Variants in ZNF609 observed in about 807,000 individuals in gnomAD.
The protein encoded by ZNF609 is zinc finger protein 609.
Under a neutral mutation model 109.5 loss-of-function variants are expected in ZNF609, and 11 were observed. The ratio of observed to expected loss-of-function variants is 0.10; its 90% CI spans 0.06 to 0.17. The LOEUF (loss-of-function observed/expected upper bound fraction) is 0.17, where lower values mean the gene tolerates loss of function less well. Among genes scored for constraint, ZNF609 ranks in the 10% least tolerant of loss-of-function variants. ZNF609 has a pLI of 1.00. For synonymous variants in ZNF609, 646 were observed against 662.0 expected (o/e 0.98, Z 0.37); for missense variants, 1,559 against 1,772.4 (o/e 0.88, Z 2.16).
rs1324645228 is a variant in ZNF609 at position 64,682,304 on chromosome 15, T to G, written c.*618T>G. 6.5e-6 allele frequency: 1 copy of G among 152,674 alleles called. No homozygotes were observed. The highest frequency in any genetic ancestry group is 1.5e-5 in the Non-Finnish European group (1 of 68,044). 9.5% of individuals were successfully genotyped at this position (152,674 alleles called of 1,614,324 possible). ...ATGTGGAGACTTCTCCCCATTTACATGAGCACATATAAACGCTCACAACCT... is the reference window on the plus strand; with the variant it reads ...ATGTGGAGACTTCTCCCCATTTACAGGAGCACATATAAACGCTCACAACCT... On this transcript the variant is annotated 3_prime_UTR_variant, in exon 10 of 10. Transcript: ENST00000326648.
chr15:64,633,025 C>A (rs933651967), intron 3 of ZNF609, among the ~76,000 whole-genome samples: 1 of 151,630 alleles, frequency 6.6e-6, no homozygotes, highest in Non-Finnish European at 1.5e-5. Flanking sequence ...CTCTAGCAAT[C>A]GTCCTGCCTC....
chr15:64,505,897 G>A (rs1027456826), intron 2 of ZNF609, among the ~76,000 whole-genome samples: 13 of 152,026 alleles, frequency 8.6e-5, no homozygotes, highest in Non-Finnish European at 1.0e-4. Context: ...GCTTGAGCCT[G>A]GGAGGTTGAG....
chr15:64,672,395 C>T (rs567525174), intron 4 of ZNF609, among the ~76,000 whole-genome samples: 8 of 149,808 alleles, frequency 5.3e-5, no homozygotes, highest in African/African-American at 1.7e-4. Context: ...GAGGCTGAGG[C>T]GGGTGGATCA....
In ZNF609 at chr15:64,674,096, G is replaced by A. The variant is rs369135449; in HGVS notation, c.1242G>A (p.Gln414=). ...GANSKGRRGS[Q]NSSEHRPPAS... Reference sequence around the variant, plus strand: ...ATAGCAAAGGCCGTCGGGGCAGCCAGAATTCTTCAGAGCACCGCCCACCTG... The same window carrying A: ...ATAGCAAAGGCCGTCGGGGCAGCCAAAATTCTTCAGAGCACCGCCCACCTG... Residue 414 remains glutamine (Q), a synonymous_variant, in exon 5 of 10, where the codon CAG becomes CAA. Coordinates refer to ENST00000326648, the MANE Select transcript of ZNF609 (RefSeq NM_015042.2). 6.2e-7 allele frequency: 1 copy of A among 1,614,090 alleles called. No homozygotes were observed. Among genetic ancestry groups the A allele is most frequent in the Non-Finnish European group, 8.5e-7 (1 of 1,180,050 alleles).
intron 2 of ZNF609, among the ~76,000 whole-genome samples, chr15:64,561,386 A>G (rs1894677607): frequency 6.6e-6 from 1 of 152,040 alleles, no homozygotes; most frequent in South Asian, 2.1e-4. Context: ...TTGTTGTATC[A>G]GTTTTAATAT....
At chr15:64,465,269 C>G (rs1039291742) in intron 1 of ZNF609, among the ~76,000 whole-genome samples, 1 of 152,146 alleles carries the variant, frequency 6.6e-6, no homozygotes. Flanking sequence ...GGAAGTCTAC[C>G]TGACATGCCT....
intron 2 of ZNF609, among the ~76,000 whole-genome samples, chr15:64,518,752 C>T (rs1008140518): frequency 6.6e-6 from 1 of 151,858 alleles, no homozygotes; most frequent in Non-Finnish European, 1.5e-5. Flanking sequence ...TAATTGATAC[C>T]ATGTTGGGAA....
intron 2 of ZNF609, chr15:64,593,336 T>A: frequency 7.8e-7 from 1 of 1,288,724 alleles, no homozygotes; most frequent in Non-Finnish European, 1.1e-6. Flanking sequence ...AGGAGGTGAG[T>A]TCTTAAAGAC....
At position 64,673,910 on chromosome 15, in the gene ZNF609, G is replaced by C. The variant is rs200021424; in HGVS notation, c.1062-6G>C. 3.9e-5 allele frequency: 63 copies of C among 1,607,090 alleles called. No individual in the cohort carries two copies. The highest frequency in any genetic ancestry group is 5.0e-5 in the Non-Finnish European group (59 of 1,175,644). On this transcript the variant is annotated splice_polypyrimidine_tract_variant and splice_region_variant and intron_variant, in intron 4 of 9. Transcript: ENST00000326648. ...TAATATTCTGTTGTGTTTATCCTTT[G>C]CCAAGGTTCTGTGACTCCCCGACCA...
chr15:64,679,063 T>G (rs1387842288), intron 6 of ZNF609, among the ~76,000 whole-genome samples: 1 of 152,212 alleles, frequency 6.6e-6, no homozygotes, highest in African/African-American at 2.4e-5. Flanking sequence ...TTATAGTGTT[T>G]AAATGTTTTT....
At chr15:64,580,117 CAGAG>C (rs1301848019) in intron 2 of ZNF609, among the ~76,000 whole-genome samples, 3 of 152,000 alleles carry the variant, frequency 2.0e-5, no homozygotes, top group Non-Finnish European at 4.4e-5. Context: ...GAGTCAGAGT[CAGAG>C]AGAGATTTAA....
At chr15:64,623,356 G>C (rs1173512877) in intron 3 of ZNF609, among the ~76,000 whole-genome samples, 2 of 152,192 alleles carry the variant, frequency 1.3e-5, no homozygotes, top group Admixed American at 1.3e-4. Context: ...GGGAGAGTTA[G>C]ATTATAAATT....
At chr15:64,590,383 A>T (rs1326582335) in intron 2 of ZNF609, among the ~76,000 whole-genome samples, 1 of 152,072 alleles carries the variant, frequency 6.6e-6, no homozygotes, top group African/African-American at 2.4e-5. Context: ...GTGCAGTGGC[A>T]TGATATCAGC....
chr15:64,557,974 G>A lies in ZNF609; in HGVS notation c.747+57808G>A, dbSNP rs551345795. 3.9e-5 allele frequency among the ~76,000 whole-genome samples: 6 copies of A among 152,238 alleles called. No homozygotes were observed. In the South Asian group the frequency reaches 1.2e-3, roughly 32 times the overall value. ...GCTGGGATTACAGGCGTGAGCCACC[G>A]CGCCCGGCCGAAAGATTTTCTTAAA... On this transcript the variant is annotated intron_variant, in intron 2 of 9. Transcript: ENST00000326648.
chr15:64,627,484 A>G lies in ZNF609; in HGVS notation c.973+4432A>G, dbSNP rs565215944. On this transcript the variant is annotated intron_variant, in intron 3 of 9. Transcript: ENST00000326648. ...TTTGGCAAATGTGCTTTATGGAAGA[A>G]TTTATGGTATAGTGGAAGGAGCACT... 2.6e-5 allele frequency among the ~76,000 whole-genome samples: 4 copies of G among 152,192 alleles called. No individual in the cohort carries two copies. The East Asian group carries it at 7.7e-4, about 29-fold the overall frequency.
intron 2 of ZNF609, among the ~76,000 whole-genome samples, chr15:64,609,336 TTTTGTTTG>T (rs902181023): frequency 1.3e-5 from 2 of 151,644 alleles, no homozygotes; most frequent in Admixed American, 6.6e-5. Context: ...TAATTTTTGT[TTTTGTTTG>T]TTTGTTTGTT....
intron 2 of ZNF609, among the ~76,000 whole-genome samples, chr15:64,521,603 G>T (rs1030872726): frequency 6.6e-6 from 1 of 152,172 alleles, no homozygotes; most frequent in Non-Finnish European, 1.5e-5. Flanking sequence ...CGACAGTCAG[G>T]AGGAATTTAG....
chr15:64,580,630 C>T (rs1221673908), intron 2 of ZNF609, among the ~76,000 whole-genome samples: 7 of 151,578 alleles, frequency 4.6e-5, no homozygotes, highest in Non-Finnish European at 1.0e-4. Context: ...CAACCTCTGC[C>T]TCCTGGGTTG....
intron 2 of ZNF609, among the ~76,000 whole-genome samples, chr15:64,535,986 A>AT (rs1403318871): frequency 6.6e-6 from 1 of 150,574 alleles, no homozygotes; most frequent in Admixed American, 6.6e-5. Flanking sequence ...ATTTTCATTA[A>AT]TTTTTTTCTT....
Sources: gnomAD v4.1 joint callset for allele counts (sites outside exome capture counted in the v4.1 genomes callset) on GRCh38, gnomAD v4.1.1 for gene constraint, MANE v1.5 for transcripts, NCBI Gene and HGNC (gene_info 2026-07-23, HGNC 2026-07-21) for gene names.